Variants in CCDC73 observed in about 807,000 individuals in gnomAD.
CCDC73 encodes coiled-coil domain-containing protein 73.
A neutral mutation model predicts 116.5 loss-of-function variants in CCDC73; 95 were observed. The observed-to-expected ratio is 0.82, with a 90% CI of 0.69 to 0.97. CCDC73 has a LOEUF of 0.97. CCDC73 is among the 50% of genes least tolerant of loss of function. The probability of loss-of-function intolerance (pLI) is 0.00; values close to 1 mark genes in which losing one functional copy is unlikely to be tolerated. For synonymous variants in CCDC73, 398 were observed against 401.3 expected (o/e 0.99, Z 0.10); for missense variants, 1,066 against 1,206.8 (o/e 0.88, Z 1.73).
chr11:32,759,937 A>G (rs965112606), intron 2 of CCDC73, among the ~76,000 whole-genome samples, 172 bp downstream of exon 2: 1 of 152,152 alleles, frequency 6.6e-6, no homozygotes, highest in Admixed American at 6.5e-5. Context: ...CTTATTTCCC[A>G]TTCCCTGATC....
chr11:32,631,768 T>C (rs1380811932), intron 14 of CCDC73, among the ~76,000 whole-genome samples: 1 of 152,122 alleles, frequency 6.6e-6, no homozygotes, highest in Non-Finnish European at 1.5e-5. Flanking sequence ...GCCTGGCAGA[T>C]TGAGGCTGCA....
At chr11:32,826,726 G>A in the CCDC73 span, among the ~76,000 whole-genome samples, 1 of 150,200 alleles carries the variant, frequency 6.7e-6, no homozygotes, top group East Asian at 1.9e-4. Context: ...TTTACTTCAT[G>A]CTTCAATATC....
the CCDC73 span, among the ~76,000 whole-genome samples, chr11:32,815,538 A>G: frequency 3.9e-5 from 6 of 152,172 alleles, no homozygotes; most frequent in African/African-American, 1.4e-4. Flanking sequence ...CCTATTCATA[A>G]CCATAATACT....
chr11:32,733,459 A>C, intron 2 of CCDC73, among the ~76,000 whole-genome samples: 1 of 152,188 alleles, frequency 6.6e-6, no homozygotes, highest in Non-Finnish European at 1.5e-5. Flanking sequence ...AAATCGACAT[A>C]ATATACATTC....
At chr11:32,765,781 C>T (rs1850435184) in intron 1 of CCDC73, among the ~76,000 whole-genome samples, 1 of 152,146 alleles carries the variant, frequency 6.6e-6, no homozygotes, top group Non-Finnish European at 1.5e-5. Context: ...TCTGAATAGA[C>T]CAATAACAGG....
rs530256093 is a variant in CCDC73, at chr11:32,610,088, C to T, written c.3030+1044G>A. Among the ~76,000 whole-genome samples the T allele has an allele frequency of 1.2e-4, 19 of 152,090 alleles. No individual in the cohort carries two copies. In the South Asian group the frequency reaches 3.1e-3, roughly 25 times the overall value. On this transcript the variant is annotated intron_variant, in intron 17 of 17. Transcript: ENST00000335185. ...ACAGGCATGAGCCACTGCACCCGGC[C>T]GGCAAAAGGCAGTTCTTACATGGCG...
chr11:32,712,278 G>T (rs1479609471), intron 3 of CCDC73, among the ~76,000 whole-genome samples: 1 of 152,118 alleles, frequency 6.6e-6, no homozygotes, highest in African/African-American at 2.4e-5. Flanking sequence ...GAGGCCTGGG[G>T]TGGAGGGAAG....
In CCDC73 at chr11:32,613,359, C is replaced by T. The variant is rs545937623; in HGVS notation, c.2896+63G>A. On this transcript the variant is annotated intron_variant, in intron 16 of 17. Transcript: ENST00000335185. ...ACAAAATTTACAAAATATGACTGTA[C>T]ACATTTATCAAGAATAAGTAGAAAA... 1.6e-5 allele frequency: 21 copies of T among 1,323,012 alleles called. No homozygotes were observed. The African/African-American group carries it at 3.1e-4, about 19-fold the overall frequency. 82.0% of individuals were successfully genotyped at this position (1,323,012 alleles called of 1,614,324 possible).
chr11:32,617,026 C>T (rs1203390481), intron 14 of CCDC73, among the ~76,000 whole-genome samples: 1 of 152,090 alleles, frequency 6.6e-6, no homozygotes, highest in Non-Finnish European at 1.5e-5. Context: ...GAATAAATGG[C>T]ATATAGCGAT....
At chr11:32,685,112 T>A (rs567940342) in intron 6 of CCDC73, among the ~76,000 whole-genome samples, 7 of 152,144 alleles carry the variant, frequency 4.6e-5, no homozygotes, top group Non-Finnish European at 8.8e-5. Flanking sequence ...ACATTTCCTA[T>A]GAAATAAATT....
intron 14 of CCDC73, among the ~76,000 whole-genome samples, chr11:32,635,220 T>A (rs118074773): frequency 5.9e-5 from 9 of 152,250 alleles, no homozygotes; most frequent in Admixed American, 5.9e-4. Context: ...ACATTGATTC[T>A]AAAAGTGATA....
intron 1 of CCDC73, chr11:32,794,299 G>A (rs1434514777): frequency 6.6e-6 from 1 of 152,302 alleles, no homozygotes; most frequent in Non-Finnish European, 1.5e-5. Context: ...CAAGGCACAT[G>A]TACAGAAGGC....
Position 32,760,174 on chromosome 11 carries a change from A to G in CCDC73, c.70T>C (p.Ser24Pro). 6.2e-7 allele frequency: 1 copy of G among 1,602,066 alleles called. No individual in the cohort carries two copies. The highest frequency in any genetic ancestry group is 1.1e-5 in the South Asian group (1 of 89,822). ...GTTTTGAAATCTAATAGCTGAATAG[A>G]AAACAATGTCTCTGAAGAACTTTGA... ...TLQSSSETLF[S>P]IQLLDFKTSL... The change falls in exon 2 of 18, where the codon TCT becomes CCT. Residue 24 changes from serine (S) to proline (P), a missense_variant. By Grantham distance (74) the Ser-to-Pro change is moderately conservative. Transcript: ENST00000335185.
At chr11:32,626,782 TG>T (rs2133233683) in intron 14 of CCDC73, among the ~76,000 whole-genome samples, 1 of 152,322 alleles carries the variant, frequency 6.6e-6, no homozygotes, top group African/African-American at 2.4e-5. Context: ...TGTAGAAAGC[TG>T]AAACTGGATC....
intron 6 of CCDC73, among the ~76,000 whole-genome samples, chr11:32,699,006 T>C (rs1849785904): frequency 6.6e-6 from 1 of 151,992 alleles, no homozygotes; most frequent in Non-Finnish European, 1.5e-5. Context: ...ATGTTAAAAA[T>C]GTATCTATTT....
At chr11:32,637,674 A>C (rs1163500384) in intron 13 of CCDC73, among the ~76,000 whole-genome samples, 1 of 151,534 alleles carries the variant, frequency 6.6e-6, no homozygotes, top group Non-Finnish European at 1.5e-5. Flanking sequence ...CCCACTCACA[A>C]AATATTGGCT....
intron 12 of CCDC73, among the ~76,000 whole-genome samples, chr11:32,648,967 G>A (rs1303301643): frequency 6.6e-6 from 1 of 152,140 alleles, no homozygotes; most frequent in Non-Finnish European, 1.5e-5. Flanking sequence ...AGAGAGAGCT[G>A]ATCTAGCAAT....
At chr11:32,736,027 T>G (rs933927095) in intron 2 of CCDC73, among the ~76,000 whole-genome samples, 22 of 152,182 alleles carry the variant, frequency 1.4e-4, no homozygotes, top group Non-Finnish European at 2.1e-4. Context: ...GATTAAAGAC[T>G]TAAATGTTAG....
At chr11:32,717,787 C>G (rs565903900) in intron 3 of CCDC73, among the ~76,000 whole-genome samples, 1 of 152,280 alleles carries the variant, frequency 6.6e-6, no homozygotes, top group African/African-American at 2.4e-5. Flanking sequence ...ACTCACAGTT[C>G]AGCATGTCTG....
Sources: allele counts gnomAD v4.1 joint callset (sites outside exome capture counted in the v4.1 genomes callset), GRCh38; gene constraint gnomAD v4.1.1; transcripts MANE v1.5; gene names NCBI Gene and HGNC (gene_info 2026-07-23, HGNC 2026-07-21).